GABRR1: variants seen among roughly 807,000 people sequenced by gnomAD.
GABRR1 encodes gamma-aminobutyric acid receptor subunit rho-1.
In GABRR1, 59 loss-of-function variants were observed where a neutral mutation model predicts 55.5. The ratio of observed to expected loss-of-function variants is 1.06; its 90% CI spans 0.86 to 1.32. GABRR1 has a LOEUF of 1.32. GABRR1 is among the 40% of genes most tolerant of loss of function. The probability of loss-of-function intolerance (pLI) is 0.00; values close to 1 mark genes in which losing one functional copy is unlikely to be tolerated. For missense variants in GABRR1, 602 were observed against 619.1 expected, an observed-to-expected ratio of 0.97 and a Z score of 0.29; for synonymous variants, 213 against 226.0, an observed-to-expected ratio of 0.94 and a Z score of 0.51.
intron 5 of GABRR1, among the ~76,000 whole-genome samples, chr6:89,195,045 C>T (rs1478630209): frequency 6.6e-6 from 1 of 152,080 alleles, no homozygotes; most frequent in African/African-American, 2.4e-5. Context: ...GGTCTGAGGA[C>T]ACCAAACAGA....
chr6:89,178,633 A>G lies in GABRR1; in HGVS notation c.*137T>C, dbSNP rs1771612352. ...AGTGTCTCGTCAATGTAGCTTTGGA[A>G]AGCTGCAGAAGGGATAGTGAAAACA... is the stretch of plus-strand genomic sequence containing the variant. On this transcript the variant is annotated 3_prime_UTR_variant, in exon 10 of 10. Coordinates refer to ENST00000454853, the MANE Select transcript of GABRR1 (RefSeq NM_002042.5). 4 of 692,070 alleles carry G rather than the reference A, an allele frequency of 5.8e-6. No individual in the cohort carries two copies. The East Asian group carries it at 1.1e-4, about 19-fold the overall frequency. The allele number at this position is 692,070 out of a possible 1,614,324, so 42.9% of individuals were successfully genotyped here. A position where few individuals can be genotyped will look rare whatever the true frequency, so the allele number is the denominator to read the frequency against.
At chr6:89,216,667 G>A (rs1461720861) in intron 1 of GABRR1, among the ~76,000 whole-genome samples, 2 of 152,212 alleles carry the variant, frequency 1.3e-5, no homozygotes, top group Non-Finnish European at 2.9e-5. Context: ...TTGCCTGCAG[G>A]AGGCTCCGTC....
chr6:89,207,497 G>A (rs1772688369), intron 1 of GABRR1, among the ~76,000 whole-genome samples: 1 of 152,164 alleles, frequency 6.6e-6, no homozygotes, highest in South Asian at 2.1e-4. Context: ...ACCTGGCAGA[G>A]GTGAGGCAAT....
upstream of GABRR1, among the ~76,000 whole-genome samples, chr6:89,221,049 T>C (rs1388269742): frequency 6.6e-6 from 1 of 152,090 alleles, no homozygotes; most frequent in African/African-American, 2.4e-5. Flanking sequence ...AAAACTCTTC[T>C]TTTCCTTTAT....
At chr6:89,192,753 G>A (rs187341560) in intron 5 of GABRR1, among the ~76,000 whole-genome samples, 142 of 152,058 alleles carry the variant, frequency 9.3e-4, no homozygotes, top group African/African-American at 3.2e-3. Context: ...TAGAGATGGC[G>A]TTTTGCCATA....
Position 89,185,427 on chromosome 6 carries a change from T to C in GABRR1, c.679A>G (p.Met227Val), listed in dbSNP as rs759670607. The change falls in exon 7 of 10, where the codon ATG becomes GTG. Residue 227 changes from methionine (M) to valine (V), a missense_variant. This residue lies in a region of GABRR1 where 435 missense variants were observed against 424.2 expected (regional missense o/e 1.03). Coordinates refer to ENST00000454853, the MANE Select transcript of GABRR1 (RefSeq NM_002042.5). ...ESYAYTEDDLMLYWKKGNDSL... is the reference protein window; with the variant it reads ...ESYAYTEDDLVLYWKKGNDSL... Reference sequence around the variant, plus strand: ...TCATTGCCCTTTTTCCAGTACAGCATGAGGTCATCTTCTGTATAGGCATCT... The same window carrying C: ...TCATTGCCCTTTTTCCAGTACAGCACGAGGTCATCTTCTGTATAGGCATCT... The C allele has an allele frequency of 6.2e-7, 1 of 1,613,586 alleles. No homozygotes were observed. Among genetic ancestry groups the C allele is most frequent in the East Asian group, 2.2e-5 (1 of 44,836 alleles).
At chr6:89,196,880 AGAAGAG>A (rs1772311937) in intron 5 of GABRR1, among the ~76,000 whole-genome samples, 5 of 133,554 alleles carry the variant, frequency 3.7e-5, no homozygotes, top group Admixed American at 1.5e-4. Context: ...AGAAAGAAAG[AGAAGAG>A]AAGAAAAAAG....
intron 1 of GABRR1, chr6:89,212,010 G>T (rs1169973272): frequency 3.5e-6 from 1 of 289,590 alleles, no homozygotes; most frequent in Non-Finnish European, 5.2e-6. Flanking sequence ...TTCTTGAGCT[G>T]CAGACTTATA....
chr6:89,218,390 A>C (rs143771680), upstream of GABRR1, among the ~76,000 whole-genome samples: 9 of 152,330 alleles, frequency 5.9e-5, no homozygotes, highest in African/African-American at 1.9e-4. Flanking sequence ...CAGTTGTTTT[A>C]AGGTTCTGTT....
chr6:89,180,247 C>G, intron 9 of GABRR1, 45 bp downstream of exon 9: 1 of 1,577,968 alleles, frequency 6.3e-7, no homozygotes. Flanking sequence ...AGAGCTAGAT[C>G]AGGTTCCATC....
At chr6:89,215,078 G>T (rs938028650) in intron 1 of GABRR1, among the ~76,000 whole-genome samples, 27 of 152,146 alleles carry the variant, frequency 1.8e-4, no homozygotes, top group African/African-American at 6.3e-4. Context: ...GAAAACCCTT[G>T]TAACACCATT....
At chr6:89,180,829 G>T (rs750447301) in intron 8 of GABRR1, among the ~76,000 whole-genome samples, 1 of 152,142 alleles carries the variant, frequency 6.6e-6, no homozygotes, top group East Asian at 1.9e-4. Flanking sequence ...GCATATATGA[G>T]CAGGTATATA....
rs1185950511 is a variant in GABRR1 at position 89,229,801 on chromosome 6, C to T, written c.-411+1415G>A. 5.4e-5 allele frequency among the ~76,000 whole-genome samples: 6 copies of T among 111,706 alleles called. No individual in the cohort carries two copies. The South Asian group carries it at 1.0e-3, about 19-fold the overall frequency. The allele number at this position is 111,706 out of a possible 152,430, so 73.3% of individuals were successfully genotyped here. On this transcript the variant is annotated intron_variant, in intron 1 of 11. Coordinates refer to the GABRR1 transcript ENST00000369451. ...ATTCTCTGTATTTCCTGAATCTGAA[C>T]GTTGGCCTGCCTTGCTAGATTGGGG...
At chr6:89,224,129 G>A (rs552402466) in intron 1 of GABRR1, among the ~76,000 whole-genome samples, 141 of 151,682 alleles carry the variant, frequency 9.3e-4, no homozygotes, top group South Asian at 4.2e-3. Context: ...TTACTCTGTC[G>A]CACAGGCTGG....
rs404943 is a variant in GABRR1 at position 89,181,863 on chromosome 6, T to C, written c.949+42A>G. On this transcript the variant is annotated intron_variant, in intron 8 of 9. Coordinates refer to ENST00000454853, the MANE Select transcript of GABRR1 (RefSeq NM_002042.5). ...ATCTGGAAGGAATTGTTAATACCTA[T>C]ATTTGCAGATGCTTGGAATATGCAC... 470,057 of 1,538,000 alleles carry C rather than the reference T, an allele frequency of 0.31. 75,328 individuals are homozygous for C. The highest frequency in any genetic ancestry group is 0.62 in the East Asian group (27,358 of 43,924).
intron 6 of GABRR1, among the ~76,000 whole-genome samples, chr6:89,185,690 C>T (rs188756307): frequency 6.6e-6 from 1 of 152,298 alleles, no homozygotes. Flanking sequence ...CACATAATTC[C>T]TGCAAAAGGG....
intron 4 of GABRR1, 91 bp downstream of exon 4, chr6:89,199,271 G>A: frequency 8.7e-7 from 1 of 1,143,952 alleles, no homozygotes; most frequent in Non-Finnish European, 1.3e-6. Context: ...GGGCAGTTGT[G>A]AGACTAAGTG....
chr6:89,216,249 C>G (rs895065865), intron 1 of GABRR1, among the ~76,000 whole-genome samples: 6 of 152,212 alleles, frequency 3.9e-5, no homozygotes, highest in African/African-American at 9.6e-5. Context: ...CACTGAGGTG[C>G]TAGACACAGC....
intron 1 of GABRR1, among the ~76,000 whole-genome samples, chr6:89,210,978 A>G (rs984965901): frequency 1.3e-4 from 19 of 151,992 alleles, no homozygotes; most frequent in Non-Finnish European, 2.5e-4. Context: ...TCTGCTAAAT[A>G]TTGGAGGAAG....
Sources: allele counts gnomAD v4.1 joint callset (sites outside exome capture counted in the v4.1 genomes callset), GRCh38; gene constraint gnomAD v4.1.1; regional missense constraint gnomAD v4.1.1; transcripts MANE v1.5; gene names NCBI Gene and HGNC (gene_info 2026-07-23, HGNC 2026-07-21).